GABRB2: variants seen among roughly 807,000 people sequenced by gnomAD.
The protein encoded by GABRB2 is gamma-aminobutyric acid type A receptor subunit beta2, also known as gamma-aminobutyric acid receptor subunit beta-2.
Under a neutral mutation model 54.7 loss-of-function variants are expected in GABRB2, and 16 were observed. The ratio of observed to expected loss-of-function variants is 0.29; its 90% CI spans 0.20 to 0.44. The LOEUF is 0.44. GABRB2 is among the 20% of genes least tolerant of loss of function. The pLI is 1.00. For missense variants in GABRB2, 355 were observed against 644.0 expected, an observed-to-expected ratio of 0.55 and a Z score of 4.86; for synonymous variants, 244 against 233.8, an observed-to-expected ratio of 1.04 and a Z score of -0.40.
intron 3 of GABRB2, among the ~76,000 whole-genome samples, chr5:161,497,399 G>A (rs906373352): frequency 2.0e-5 from 3 of 152,094 alleles, no homozygotes; most frequent in Admixed American, 1.3e-4. Context: ...ATGGCATGAG[G>A]ATTGCTAAAG....
intron 4 of GABRB2, among the ~76,000 whole-genome samples, chr5:161,430,503 C>A (rs1051454880): frequency 6.6e-6 from 1 of 152,146 alleles, no homozygotes; most frequent in African/African-American, 2.4e-5. Context: ...CCAGAGTTGA[C>A]CATTTTCTAG....
At chr5:161,459,524 T>C (rs1194462070) in intron 4 of GABRB2, 100 bp downstream of exon 4, 4 of 1,000,376 alleles carry the variant, frequency 4.0e-6, no homozygotes, top group South Asian at 1.4e-5. Flanking sequence ...CTTAGTAGAA[T>C]TGAAGAAAGA....
intron 5 of GABRB2, among the ~76,000 whole-genome samples, chr5:161,364,084 C>A (rs1358376817): frequency 6.6e-6 from 1 of 151,976 alleles, no homozygotes; most frequent in Non-Finnish European, 1.5e-5. Flanking sequence ...AATGTGTAAT[C>A]CAGGAGTAAC....
intron 4 of GABRB2, among the ~76,000 whole-genome samples, chr5:161,412,251 A>G (rs919767168): frequency 4.6e-5 from 7 of 152,216 alleles, no homozygotes; most frequent in African/African-American, 1.7e-4. Context: ...ACATGTGATT[A>G]ACTTGAAGTA....
chr5:161,356,705 G>T (rs1738751323), intron 5 of GABRB2, among the ~76,000 whole-genome samples: 1 of 152,112 alleles, frequency 6.6e-6, no homozygotes, highest in Admixed American at 6.6e-5. Flanking sequence ...TGAATCGCAG[G>T]TGCCATGGAA....
At chr5:161,491,155 G>A (rs1047164196) in intron 3 of GABRB2, among the ~76,000 whole-genome samples, 1 of 151,596 alleles carries the variant, frequency 6.6e-6, no homozygotes, top group African/African-American at 2.4e-5. Flanking sequence ...TCACAAAAAG[G>A]TCAGAAAAAT....
intron 4 of GABRB2, among the ~76,000 whole-genome samples, chr5:161,443,613 G>T (rs1169970674): frequency 3.3e-5 from 5 of 152,188 alleles, no homozygotes; most frequent in African/African-American, 4.8e-5. Context: ...TGGTCTTTCA[G>T]ATTAAAACCT....
chr5:161,385,630 T>C (rs1755601621), intron 5 of GABRB2, among the ~76,000 whole-genome samples: 1 of 152,172 alleles, frequency 6.6e-6, no homozygotes, highest in South Asian at 2.1e-4. Context: ...AGTCAACAAA[T>C]ATTAGTTGAT....
intron 5 of GABRB2, among the ~76,000 whole-genome samples, chr5:161,369,950 C>T (rs1258865798): frequency 1.3e-5 from 2 of 152,182 alleles, no homozygotes; most frequent in Admixed American, 6.5e-5. Context: ...TAAATTGTCT[C>T]TGCTTGCCAG....
At chr5:161,334,499 T>C (rs1240104938) in intron 7 of GABRB2, among the ~76,000 whole-genome samples, 1 of 152,192 alleles carries the variant, frequency 6.6e-6, no homozygotes, top group Non-Finnish European at 1.5e-5. Context: ...AATAAAAATA[T>C]CAAACTGATG....
chr5:161,499,736 T>C (rs1704524054), intron 3 of GABRB2, among the ~76,000 whole-genome samples: 1 of 152,148 alleles, frequency 6.6e-6, no homozygotes, highest in African/African-American at 2.4e-5. Context: ...AATAAAAGCA[T>C]GGAAAGGTCA....
In GABRB2 at chr5:161,289,805, G is replaced by GTGTGTGTGAC. The variant is rs558197514; in HGVS notation, c.*4266_*4275dup. ...TGTGTGTTTGAGTGTGTGTGTGTGT[G>GTGTGTGTGAC]TGTGTGTGACTGTGTGTGACTGTGT... On this transcript the variant is annotated 3_prime_UTR_variant, in exon 10 of 10. Coordinates refer to ENST00000393959, the MANE Select transcript of GABRB2 (RefSeq NM_001371727.1). 1 of 150,906 alleles carries GTGTGTGTGAC rather than the reference G, an allele frequency of 6.6e-6. No individual in the cohort carries two copies. Among genetic ancestry groups the GTGTGTGTGAC allele is most frequent in the Admixed American group, 6.6e-5 (1 of 15,198 alleles). The allele number at this position is 150,906 out of a possible 1,614,324, so 9.3% of individuals were successfully genotyped here.
At chr5:161,367,413 T>G (rs1165088320) in intron 5 of GABRB2, among the ~76,000 whole-genome samples, 1 of 152,230 alleles carries the variant, frequency 6.6e-6, no homozygotes, top group Non-Finnish European at 1.5e-5. Flanking sequence ...TGTTAGTTAT[T>G]ATTGTTGTTA....
chr5:161,340,723 T>C (rs1260042701), intron 5 of GABRB2, among the ~76,000 whole-genome samples: 1 of 151,780 alleles, frequency 6.6e-6, no homozygotes, highest in Non-Finnish European at 1.5e-5. Flanking sequence ...TAATAACAAA[T>C]ATTTCAGTTG....
chr5:161,426,987 A>G (rs1185281885), intron 4 of GABRB2, among the ~76,000 whole-genome samples: 1 of 152,154 alleles, frequency 6.6e-6, no homozygotes, highest in Non-Finnish European at 1.5e-5. Flanking sequence ...CAACCAAGAT[A>G]AAGAACAGCT....
chr5:161,435,114 T>C (rs1285495670), intron 4 of GABRB2, among the ~76,000 whole-genome samples: 10 of 152,180 alleles, frequency 6.6e-5, no homozygotes, highest in Non-Finnish European at 1.3e-4. Context: ...TTCTTAAAAA[T>C]AGCACTTTAT....
intron 3 of GABRB2, among the ~76,000 whole-genome samples, chr5:161,516,900 A>C (rs1335591470): frequency 6.6e-6 from 1 of 152,178 alleles, no homozygotes; most frequent in African/African-American, 2.4e-5. Flanking sequence ...CATGTCTATT[A>C]GTTCCCAACC....
rs1757292406 is a variant in GABRB2, at chr5:161,293,554, G to A, written c.*527C>T. ...TTCCCCTAGCCTGCTCAAATCACAAGAGAATCTTTTAGAAACCAGTGGGAA... is the reference window on the plus strand; with the variant it reads ...TTCCCCTAGCCTGCTCAAATCACAAAAGAATCTTTTAGAAACCAGTGGGAA... On this transcript the variant is annotated 3_prime_UTR_variant, in exon 10 of 10. Coordinates refer to ENST00000393959, the MANE Select transcript of GABRB2 (RefSeq NM_001371727.1). 6.5e-6 allele frequency: 1 copy of A among 154,390 alleles called. No homozygotes were observed. Among genetic ancestry groups the A allele is most frequent in the South Asian group, 2.0e-4 (1 of 4,964 alleles). 9.6% of individuals were successfully genotyped at this position (154,390 alleles called of 1,614,324 possible). A position where few individuals can be genotyped will look rare whatever the true frequency, so the allele number is the denominator to read the frequency against.
At chr5:161,365,816 C>G (rs1274060921) in intron 5 of GABRB2, among the ~76,000 whole-genome samples, 1 of 152,050 alleles carries the variant, frequency 6.6e-6, no homozygotes, top group Non-Finnish European at 1.5e-5. Context: ...GCACAGGAGC[C>G]TCTTAGACAG....
Sources: gnomAD v4.1 joint callset for allele counts (sites outside exome capture counted in the v4.1 genomes callset) on GRCh38, gnomAD v4.1.1 for gene constraint, MANE v1.5 for transcripts, NCBI Gene and HGNC (gene_info 2026-07-23, HGNC 2026-07-21) for gene names.